SPON1: variants seen among roughly 807,000 people sequenced by gnomAD.
SPON1 encodes the protein spondin-1.
A neutral mutation model predicts 111.7 loss-of-function variants in SPON1; 52 were observed. That is an observed-to-expected ratio of 0.47 (90% CI 0.37 to 0.59). SPON1 has a LOEUF of 0.59. SPON1 is among the 20% of genes least tolerant of loss of function. The pLI is 0.00. For missense variants in SPON1, 957 were observed against 1,068.5 expected (o/e 0.90, Z 1.46); for synonymous variants, 410 against 395.8 (o/e 1.04, Z -0.43).
Position 14,129,854 on chromosome 11 carries a change from C to T in SPON1, c.677-5566C>T, listed in dbSNP as rs530584966. On this transcript the variant is annotated intron_variant, in intron 5 of 15. Coordinates refer to ENST00000576479, the MANE Select transcript of SPON1 (RefSeq NM_006108.4). ...TGGCAGAAGGTGAAGGAGAAGCAGGCGCCTTCTTCACAAGGCAGCAGGAGA... is the reference window on the plus strand; with the variant it reads ...TGGCAGAAGGTGAAGGAGAAGCAGGTGCCTTCTTCACAAGGCAGCAGGAGA... Among the ~76,000 whole-genome samples, 8 of 152,276 alleles carry T rather than the reference C, an allele frequency of 5.3e-5. No individual in the cohort carries two copies. The South Asian group carries it at 1.2e-3, about 24-fold the overall frequency.
chr11:13,992,567 C>T (rs1353996741), intron 2 of SPON1, among the ~76,000 whole-genome samples: 2 of 152,096 alleles, frequency 1.3e-5, no homozygotes, highest in African/African-American at 2.4e-5. Context: ...GGGGGGTGAA[C>T]GGTTCTGTCT....
intron 2 of SPON1, among the ~76,000 whole-genome samples, chr11:14,008,756 C>T (rs545604515): frequency 1.3e-5 from 2 of 152,144 alleles, no homozygotes; most frequent in Non-Finnish European, 2.9e-5. Context: ...ATCACCCCAC[C>T]TTTGTTTTGT....
intron 2 of SPON1, among the ~76,000 whole-genome samples, chr11:14,028,848 C>T (rs1848538179): frequency 6.6e-6 from 1 of 152,172 alleles, no homozygotes. Context: ...CCTATGTCTG[C>T]TGGCTCCAAA....
At chr11:14,264,233 A>G (rs16913783) in intron 15 of SPON1, among the ~76,000 whole-genome samples, 8,750 of 152,074 alleles carry the variant, frequency 0.058, 345 homozygotes, top group East Asian at 0.18. Flanking sequence ...GTGGCCCACC[A>G]AGGATTTTGG....
At chr11:14,195,032 G>A (rs1302237814) in intron 6 of SPON1, among the ~76,000 whole-genome samples, 1 of 152,172 alleles carries the variant, frequency 6.6e-6, no homozygotes, top group Non-Finnish European at 1.5e-5. Context: ...TTAGTGGTGA[G>A]CAAGTGGGGT....
At chr11:14,063,786 C>G (rs1366649598) in intron 3 of SPON1, among the ~76,000 whole-genome samples, 2 of 152,242 alleles carry the variant, frequency 1.3e-5, no homozygotes, top group Non-Finnish European at 2.9e-5. Flanking sequence ...CATCATCCTG[C>G]TGATTCCCAA....
chr11:14,177,533 C>T (rs1368724109), intron 6 of SPON1, among the ~76,000 whole-genome samples: 2 of 152,144 alleles, frequency 1.3e-5, no homozygotes, highest in Non-Finnish European at 2.9e-5. Context: ...GCAGGGTCTG[C>T]AAAATATCTC....
At chr11:14,117,854 C>T (rs1554926139) in intron 5 of SPON1, among the ~76,000 whole-genome samples, 1 of 152,156 alleles carries the variant, frequency 6.6e-6, no homozygotes, top group Non-Finnish European at 1.5e-5. Context: ...GCAGTGTGTC[C>T]ACTGTCACAT....
chr11:14,108,604 C>A (rs1284558014), intron 5 of SPON1, among the ~76,000 whole-genome samples: 4 of 152,198 alleles, frequency 2.6e-5, no homozygotes, highest in African/African-American at 9.7e-5. Context: ...ACTACAAGGC[C>A]TAACCAGCAA....
intron 1 of SPON1, among the ~76,000 whole-genome samples, chr11:13,964,764 G>A (rs1382631958): frequency 6.6e-6 from 1 of 152,150 alleles, no homozygotes; most frequent in Non-Finnish European, 1.5e-5. Flanking sequence ...CGGTGCAGCC[G>A]GGAGGCGGCC....
At position 14,169,146 on chromosome 11, in the gene SPON1, C is replaced by T. The variant is rs1361533485; in HGVS notation, c.825+33578C>T. On this transcript the variant is annotated intron_variant, in intron 6 of 15. Coordinates refer to ENST00000576479, the MANE Select transcript of SPON1 (RefSeq NM_006108.4). ...GTGTGAAAGTGTTCCTATTTCTCCA[C>T]GTCCTCTCCAGCACCTGTTGTTTCC... Among the ~76,000 whole-genome samples, 8 of 152,354 alleles carry T rather than the reference C, an allele frequency of 5.3e-5. No individual in the cohort carries two copies. The East Asian group carries it at 1.5e-3, about 29-fold the overall frequency.
chr11:14,190,995 C>A lies in SPON1; in HGVS notation c.826-52337C>A, dbSNP rs1222979687. On this transcript the variant is annotated intron_variant, in intron 6 of 15. Transcript: ENST00000576479. ...AAAACAAAAAAGAAAAAAGCACTTA[C>A]AATCCCATCACTTGGTATATAAAGA... Among the ~76,000 whole-genome samples the A allele has an allele frequency of 1.8e-3, 275 of 151,948 alleles. 2 individuals carry two copies. Among genetic ancestry groups the A allele is most frequent in the African/African-American group, 6.0e-3 (248 of 41,258 alleles).
At chr11:14,239,278 A>C (rs1218984686) in intron 6 of SPON1, among the ~76,000 whole-genome samples, 1 of 152,242 alleles carries the variant, frequency 6.6e-6, no homozygotes, top group Non-Finnish European at 1.5e-5. Flanking sequence ...AAGAATGATC[A>C]GTAATTTTTG....
intron 2 of SPON1, among the ~76,000 whole-genome samples, chr11:14,033,998 G>A (rs1423801602): frequency 1.3e-5 from 2 of 151,846 alleles, no homozygotes; most frequent in Non-Finnish European, 2.9e-5. Flanking sequence ...GTTATCATTG[G>A]AATGTTGTAA....
chr11:14,147,388 G>A lies in SPON1; in HGVS notation c.825+11820G>A, dbSNP rs149031696. 6.4e-3 allele frequency among the ~76,000 whole-genome samples: 966 copies of A among 151,636 alleles called. 4 individuals carry two copies. Among genetic ancestry groups the A allele is most frequent in the Non-Finnish European group, 0.011 (729 of 67,902 alleles). ...TTCTTCCAAGCACATCACAAAACCCGGAGATCATAAAAGGTTAATGAAGTA... is the reference window on the plus strand; with the variant it reads ...TTCTTCCAAGCACATCACAAAACCCAGAGATCATAAAAGGTTAATGAAGTA... On this transcript the variant is annotated intron_variant, in intron 6 of 15. Coordinates refer to ENST00000576479, the MANE Select transcript of SPON1 (RefSeq NM_006108.4).
rs782578778 is a variant in SPON1, at chr11:14,259,581, A to G, written c.1711A>G (p.Ser571Gly). The G allele has an allele frequency of 2.6e-6, 4 of 1,554,576 alleles. No individual in the cohort carries two copies. In the South Asian group the frequency reaches 4.8e-5, roughly 18 times the overall value. ...MTEWGEWDEC[S>G]ATCGMGMKKR... ...CGAGTGGGGCGAGTGGGACGAGTGC[A>G]GCGCCACCTGCGGCATGGGCATGAA... Residue 571 changes from serine to glycine, a missense_variant, in exon 13 of 16, where the codon AGC becomes GGC. Physicochemically the swap from Ser to Gly is moderately conservative, Grantham distance 56. Transcript: ENST00000576479. This position sits in a 1 kb window ranked among gnomAD's most constrained non-coding sequence, Gnocchi z 5.0.
chr11:14,180,206 T>C (rs1848222335), intron 6 of SPON1, among the ~76,000 whole-genome samples: 1 of 152,132 alleles, frequency 6.6e-6, no homozygotes, highest in South Asian at 2.1e-4. Context: ...CCAAGATGAG[T>C]TAGTCACCCT....
intron 5 of SPON1, among the ~76,000 whole-genome samples, chr11:14,126,758 T>C (rs1473305980): frequency 6.6e-6 from 1 of 152,168 alleles, no homozygotes; most frequent in Non-Finnish European, 1.5e-5. Flanking sequence ...AGTTTTCCTT[T>C]AAGGCCACAA....
chr11:14,186,905 C>A (rs1554934126), intron 6 of SPON1, among the ~76,000 whole-genome samples: 1 of 152,188 alleles, frequency 6.6e-6, no homozygotes, highest in African/African-American at 2.4e-5. Flanking sequence ...GAAACTGAGG[C>A]TTGAGATGTT....
Sources: allele counts gnomAD v4.1 joint callset (sites outside exome capture counted in the v4.1 genomes callset), GRCh38; gene constraint gnomAD v4.1.1; non-coding constraint Gnocchi (gnomAD v3.1); transcripts MANE v1.5; gene names NCBI Gene and HGNC (gene_info 2026-07-23, HGNC 2026-07-21).